The following WWC1 variants were observed in gnomAD, a reference collection of about 807,000 sequenced individuals.
WWC1 encodes protein KIBRA.
WWC1 carries 55 observed loss-of-function variants against 138.4 expected under a neutral mutation model. The ratio of observed to expected loss-of-function variants is 0.40; its 90% CI spans 0.32 to 0.50. WWC1 has a LOEUF of 0.50. Ranked by LOEUF, WWC1 falls within the 20% of genes least tolerant of loss-of-function variation. The pLI, the probability that WWC1 is intolerant of heterozygous loss-of-function variation, is 0.72. For synonymous variants in WWC1, 524 were observed against 564.9 expected, an observed-to-expected ratio of 0.93 and a Z score of 1.03; for missense variants, 1,226 against 1,420.4, an observed-to-expected ratio of 0.86 and a Z score of 2.20.
chr5:168,316,383 T>C (rs917979376), intron 1 of WWC1, among the ~76,000 whole-genome samples: 1 of 152,220 alleles, frequency 6.6e-6, no homozygotes, highest in African/African-American at 2.4e-5. Context: ...AAACCTGCTT[T>C]ACCAGTCCAG....
chr5:168,401,810 GCTTCTTGGTAAT>G (rs1245173965), intron 5 of WWC1, among the ~76,000 whole-genome samples: 2 of 152,146 alleles, frequency 1.3e-5, no homozygotes, highest in Non-Finnish European at 2.9e-5. Flanking sequence ...CATGCTTTAT[GCTTCTTGGTAAT>G]CTTCAGTAGC....
chr5:168,347,548 C>T (rs1297479494), intron 1 of WWC1, among the ~76,000 whole-genome samples: 1 of 152,210 alleles, frequency 6.6e-6, no homozygotes, highest in East Asian at 1.9e-4. Context: ...GGGTCCCCTG[C>T]TAAAGCAGAA....
chr5:168,337,269 C>T (rs1561625957), intron 1 of WWC1, among the ~76,000 whole-genome samples: 1 of 152,172 alleles, frequency 6.6e-6, no homozygotes, highest in Non-Finnish European at 1.5e-5. Flanking sequence ...CACTCTCCAA[C>T]TGTGTGGTAC....
At chr5:168,306,806 A>C (rs780446538) in intron 1 of WWC1, among the ~76,000 whole-genome samples, 36 of 152,196 alleles carry the variant, frequency 2.4e-4, no homozygotes, top group Non-Finnish European at 3.5e-4. Flanking sequence ...CATGTTGGCC[A>C]GGCTGGTCTG....
At chr5:168,311,936 C>A (rs1489748286) in intron 1 of WWC1, among the ~76,000 whole-genome samples, 2 of 151,848 alleles carry the variant, frequency 1.3e-5, no homozygotes, top group Non-Finnish European at 2.9e-5. Context: ...GTAATCCCAG[C>A]TACTCAGAAG....
At chr5:168,435,634 C>T (rs1782289150) in intron 15 of WWC1, among the ~76,000 whole-genome samples, 1 of 152,150 alleles carries the variant, frequency 6.6e-6, no homozygotes, top group South Asian at 2.1e-4. Flanking sequence ...TGGTCTTGAA[C>T]TCCTGGGCTC....
rs543878979 is a variant in WWC1 at position 168,470,798 on chromosome 5, G to C, written c.*1781G>C. On this transcript the variant is annotated 3_prime_UTR_variant, in exon 23 of 23. Coordinates refer to ENST00000265293, the MANE Select transcript of WWC1 (RefSeq NM_015238.3). ...AGATGGCGCCATTGACTCCAGCCTG[G>C]GCAACAAGAGCGTAACTCCATCTCA... The C allele has an allele frequency of 6.6e-6, 1 of 152,230 alleles. No individual in the cohort carries two copies. Among genetic ancestry groups the C allele is most frequent in the East Asian group, 1.9e-4 (1 of 5,174 alleles). 9.4% of individuals were successfully genotyped at this position (152,230 alleles called of 1,614,324 possible). A position where few individuals can be genotyped will look rare whatever the true frequency, so the allele number is the denominator to read the frequency against.
At chr5:168,318,718 C>A (rs573581811) in intron 1 of WWC1, among the ~76,000 whole-genome samples, 1 of 152,228 alleles carries the variant, frequency 6.6e-6, no homozygotes, top group African/African-American at 2.4e-5. Context: ...TGCTACCACA[C>A]CTGGCTAATT....
At chr5:168,429,155 T>C (rs996088832) in intron 13 of WWC1, among the ~76,000 whole-genome samples, 1 of 152,096 alleles carries the variant, frequency 6.6e-6, no homozygotes, top group African/African-American at 2.4e-5. Flanking sequence ...GTTTCATTGA[T>C]CTGGATGGAA....
chr5:168,353,507 C>G (rs1322491083), intron 1 of WWC1, among the ~76,000 whole-genome samples: 1 of 152,240 alleles, frequency 6.6e-6, no homozygotes, highest in Non-Finnish European at 1.5e-5. Flanking sequence ...TCTCTCAGGC[C>G]TCCTGCTGCC....
intron 10 of WWC1, among the ~76,000 whole-genome samples, chr5:168,422,378 C>T (rs1168789808): frequency 6.6e-6 from 1 of 152,170 alleles, no homozygotes; most frequent in East Asian, 1.9e-4. Context: ...CCTGTAATCC[C>T]AGCACTTTGG....
chr5:168,420,575 G>A (rs1003637225), intron 9 of WWC1, among the ~76,000 whole-genome samples: 4 of 151,372 alleles, frequency 2.6e-5, no homozygotes, highest in South Asian at 2.1e-4. Flanking sequence ...GGACCCCCCC[G>A]CCCCGACCTT....
chr5:168,322,577 G>C (rs1392641714), intron 1 of WWC1, among the ~76,000 whole-genome samples: 2 of 152,220 alleles, frequency 1.3e-5, no homozygotes, highest in Non-Finnish European at 2.9e-5. Flanking sequence ...TCAGCACCTA[G>C]CACAAGGCCT....
chr5:168,429,010 G>A (rs2152858379), intron 13 of WWC1, among the ~76,000 whole-genome samples: 1 of 152,226 alleles, frequency 6.6e-6, no homozygotes, highest in Admixed American at 6.5e-5. Flanking sequence ...GAGAAATGGG[G>A]TTTTAAAAGA....
At chr5:168,339,313 G>A (rs1773776489) in intron 1 of WWC1, among the ~76,000 whole-genome samples, 1 of 152,146 alleles carries the variant, frequency 6.6e-6, no homozygotes, top group South Asian at 2.1e-4. Context: ...ACCTGGGGAG[G>A]GAGGGAGCTC....
Position 168,294,046 on chromosome 5 carries a change from C to T in WWC1, c.119+1775C>T, listed in dbSNP as rs55783676. Among the ~76,000 whole-genome samples the T allele has an allele frequency of 6.3e-3, 960 of 152,258 alleles. 6 individuals are homozygous for T. The highest frequency in any genetic ancestry group is 0.021 in the African/African-American group (893 of 41,536). Reference sequence around the variant, plus strand: ...CCCCAATTTAGGTCCCTGTAGTTTACGGAGGCCTGTGTGCTGTTAGCAGGT... The same window carrying T: ...CCCCAATTTAGGTCCCTGTAGTTTATGGAGGCCTGTGTGCTGTTAGCAGGT... On this transcript the variant is annotated intron_variant, in intron 1 of 22. Coordinates refer to ENST00000265293, the MANE Select transcript of WWC1 (RefSeq NM_015238.3).
At chr5:168,304,405 A>G (rs769531091) in intron 1 of WWC1, among the ~76,000 whole-genome samples, 1 of 152,160 alleles carries the variant, frequency 6.6e-6, no homozygotes, top group African/African-American at 2.4e-5. Context: ...TAAGTGGTTT[A>G]TTTCTATTGC....
chr5:168,292,234 A>G lies in WWC1; in HGVS notation c.82A>G (p.Thr28Ala), dbSNP rs1317776673. ...FDGKVYYIDH[T>A]NRTTSWIDPR... ...CGGCAAGGTCTACTACATAGACCAC[A>G]CGAACCGCACCACCAGCTGGATCGA... is the stretch of plus-strand genomic sequence containing the variant. The change falls in exon 1 of 23, where the codon ACG (threonine) becomes GCG (alanine). Residue 28 changes from threonine to alanine, a missense_variant. By Grantham distance (58) the Thr-to-Ala change is moderately conservative (BLOSUM62 0). Around this residue, in one of 3 missense-constraint regions of WWC1, gnomAD observed 1,016 missense variants for 1,153.9 expected, o/e 0.88. Transcript: ENST00000265293. This position sits in a 1 kb window ranked among gnomAD's most constrained non-coding sequence, Gnocchi z 4.4. 1.3e-6 allele frequency: 2 copies of G among 1,594,134 alleles called. No homozygotes were observed. The highest frequency in any genetic ancestry group is 1.7e-5 in the Admixed American group (1 of 57,902).
chr5:168,330,264 C>A (rs989965211), intron 1 of WWC1, among the ~76,000 whole-genome samples: 2 of 152,160 alleles, frequency 1.3e-5, no homozygotes, highest in Non-Finnish European at 2.9e-5. Context: ...GGCTTGGGAC[C>A]CACACTGTCT....
Sources: gnomAD v4.1 joint callset for allele counts (sites outside exome capture counted in the v4.1 genomes callset) on GRCh38, gnomAD v4.1.1 for gene constraint, gnomAD v4.1.1 regional missense constraint, Gnocchi (gnomAD v3.1) non-coding constraint, MANE v1.5 for transcripts, NCBI Gene and HGNC (gene_info 2026-07-23, HGNC 2026-07-21) for gene names.